The following SLC9C1 variants were observed in gnomAD, a reference collection of about 807,000 sequenced individuals.
SLC9C1 encodes the protein solute carrier family 9 member C1.
In SLC9C1, 97 loss-of-function variants were observed where a neutral mutation model predicts 140.9. That is an observed-to-expected ratio of 0.69 (90% CI 0.58 to 0.82). The LOEUF is 0.82. Among genes scored for constraint, SLC9C1 ranks in the 40% least tolerant of loss-of-function variants. The pLI is 0.00. For synonymous variants in SLC9C1, 440 were observed against 442.6 expected, an observed-to-expected ratio of 0.99 and a Z score of 0.07; for missense variants, 1,340 against 1,389.3, an observed-to-expected ratio of 0.96 and a Z score of 0.56.
rs576048520 is a variant in SLC9C1 at position 112,217,135 on chromosome 3, C to T, written c.1790+307G>A. On this transcript the variant is annotated intron_variant, in intron 15 of 28. Coordinates refer to ENST00000305815, the MANE Select transcript of SLC9C1 (RefSeq NM_183061.3). ...AAACCAAACACCACATGTTCTCACTCATAGGTGGGAACTGAACAATGAGAA... is the reference window on the plus strand; with the variant it reads ...AAACCAAACACCACATGTTCTCACTTATAGGTGGGAACTGAACAATGAGAA... Among the ~76,000 whole-genome samples the T allele has an allele frequency of 3.3e-5, 5 of 152,164 alleles. No individual in the cohort carries two copies. The East Asian group carries it at 9.7e-4, about 29-fold the overall frequency.
At chr3:112,286,424 A>G (rs142966493) in intron 2 of SLC9C1, among the ~76,000 whole-genome samples, 1,992 of 152,290 alleles carry the variant, frequency 0.013, 27 homozygotes, top group Non-Finnish European at 0.022. Flanking sequence ...GTTTTCTTCA[A>G]TTATCTCCTT....
intron 20 of SLC9C1, among the ~76,000 whole-genome samples, chr3:112,187,149 C>T (rs941577340): frequency 5.9e-5 from 9 of 152,186 alleles, no homozygotes; most frequent in African/African-American, 2.2e-4. Flanking sequence ...GACTTACTAG[C>T]TATCTGACCT....
intron 20 of SLC9C1, among the ~76,000 whole-genome samples, chr3:112,196,185 CTT>C (rs575739371): frequency 2.1e-5 from 3 of 145,728 alleles, no homozygotes; most frequent in Non-Finnish European, 1.5e-5. Flanking sequence ...TTGGCTGACA[CTT>C]TTTTTTTTTT....
chr3:112,276,385 A>AAAT, intron 5 of SLC9C1, among the ~76,000 whole-genome samples: 1 of 151,050 alleles, frequency 6.6e-6, no homozygotes, highest in East Asian at 1.9e-4. Flanking sequence ...TATATGAAAA[A>AAAT]ATATATATAT....
At chr3:112,213,343 T>A (rs2078261295) in intron 15 of SLC9C1, among the ~76,000 whole-genome samples, 1 of 152,048 alleles carries the variant, frequency 6.6e-6, no homozygotes, top group African/African-American at 2.4e-5. Context: ...CAGGATCAAA[T>A]CCACACATAA....
At chr3:112,254,380 C>T (rs4423739) in intron 10 of SLC9C1, among the ~76,000 whole-genome samples, 89,969 of 151,974 alleles carry the variant, frequency 0.59, 27,154 homozygotes, top group East Asian at 0.79. Flanking sequence ...ATCAGGCTAA[C>T]AGTGGATCTC....
Position 112,180,639 on chromosome 3 carries a change from A to ATATTAC in SLC9C1, c.2672_2673insGTAATA (p.Phe891delinsLeuTer). 6.2e-7 allele frequency: 1 copy of ATATTAC among 1,613,212 alleles called. No homozygotes were observed. The highest frequency in any genetic ancestry group is 8.5e-7 in the Non-Finnish European group (1 of 1,179,654). On this transcript the variant is annotated stop_gained and protein_altering_variant, in exon 22 of 29. Transcript: ENST00000305815. LOFTEE classifies it high-confidence loss of function. Reference sequence around the variant, plus strand: ...CTTCAAATATATCATTTCCACAATCAAATGTTACAACTTTGGCTTTTTCCT... The same window carrying ATATTAC: ...CTTCAAATATATCATTTCCACAATCATATTACAATGTTACAACTTTGGCTTTTTCCT...
rs13093391 is a variant in SLC9C1, at chr3:112,205,987, C to A, written c.1987-1584G>T. ...ACACCAAAAGCAATGGCAACAAAAGCCAAAATTGACAAATGGGATCTAATT... is the reference window on the plus strand; with the variant it reads ...ACACCAAAAGCAATGGCAACAAAAGACAAAATTGACAAATGGGATCTAATT... On this transcript the variant is annotated intron_variant, in intron 16 of 28. Transcript: ENST00000305815. Among the ~76,000 whole-genome samples the A allele has an allele frequency of 4.6e-3, 484 of 106,002 alleles. 3 individuals carry two copies. The highest frequency in any genetic ancestry group is 0.012 in the Middle Eastern group (3 of 252). 69.5% of individuals were successfully genotyped at this position (106,002 alleles called of 152,430 possible).
At chr3:112,201,703 T>C (rs1406860786) in intron 18 of SLC9C1, among the ~76,000 whole-genome samples, 1 of 152,028 alleles carries the variant, frequency 6.6e-6, no homozygotes, top group Non-Finnish European at 1.5e-5. Flanking sequence ...ATTTAACCTC[T>C]CTTGGCCTCC....
chr3:112,237,307 T>C (rs13094817), intron 12 of SLC9C1, among the ~76,000 whole-genome samples: 89,656 of 151,748 alleles, frequency 0.59, 26,989 homozygotes, highest in East Asian at 0.79. Flanking sequence ...TTTTGTTTTC[T>C]GTTTGCTTGG....
intron 28 of SLC9C1, chr3:112,147,552 C>A: frequency 2.6e-6 from 1 of 386,650 alleles, no homozygotes; most frequent in Non-Finnish European, 5.1e-6. Context: ...CTTAGTTTGG[C>A]AGGATATGAA....
At chr3:112,242,190 C>T (rs1351141798) in intron 11 of SLC9C1, among the ~76,000 whole-genome samples, 1 of 152,092 alleles carries the variant, frequency 6.6e-6, no homozygotes, top group Non-Finnish European at 1.5e-5. Flanking sequence ...GATTAGCAAA[C>T]TATACATCTA....
chr3:112,201,497 T>C (rs1187768462), intron 18 of SLC9C1, among the ~76,000 whole-genome samples: 2 of 152,036 alleles, frequency 1.3e-5, no homozygotes, highest in African/African-American at 2.4e-5. Context: ...ATGACAAAGT[T>C]TTGGGCACAT....
chr3:112,238,390 C>A (rs1209916273), intron 12 of SLC9C1, among the ~76,000 whole-genome samples: 1 of 152,144 alleles, frequency 6.6e-6, no homozygotes, highest in Admixed American at 6.5e-5. Flanking sequence ...AACTTCTCTG[C>A]GATGGGTTCG....
intron 15 of SLC9C1, among the ~76,000 whole-genome samples, chr3:112,216,458 C>G (rs1246051645): frequency 1.8e-4 from 27 of 152,032 alleles, no homozygotes; most frequent in Admixed American, 1.6e-3. Flanking sequence ...ATATACCCAT[C>G]TGACAAAGGG....
At chr3:112,233,046 C>T (rs1261706935) in intron 12 of SLC9C1, among the ~76,000 whole-genome samples, 2 of 66,356 alleles carry the variant, frequency 3.0e-5, no homozygotes, top group Admixed American at 2.0e-4. Flanking sequence ...CACACACACA[C>T]ACACATATAT....
At chr3:112,238,391 G>C (rs976153269) in intron 12 of SLC9C1, among the ~76,000 whole-genome samples, 42 of 152,104 alleles carry the variant, frequency 2.8e-4, no homozygotes, top group Non-Finnish European at 4.9e-4. Context: ...ACTTCTCTGC[G>C]ATGGGTTCGA....
intron 25 of SLC9C1, among the ~76,000 whole-genome samples, chr3:112,168,369 C>T (rs1254740163): frequency 7.2e-6 from 1 of 138,464 alleles, no homozygotes; most frequent in Non-Finnish European, 1.6e-5. Context: ...ACACACACAA[C>T]TTCTTTCCTT....
intron 26 of SLC9C1, among the ~76,000 whole-genome samples, chr3:112,157,836 A>AC (rs1029142366): frequency 6.6e-6 from 1 of 151,634 alleles, no homozygotes; most frequent in Non-Finnish European, 1.5e-5. Context: ...CTGTTAGCCT[A>AC]TATAAATGCT....
Sources: gnomAD v4.1 joint callset for allele counts (sites outside exome capture counted in the v4.1 genomes callset) on GRCh38, gnomAD v4.1.1 for gene constraint, MANE v1.5 for transcripts, NCBI Gene and HGNC (gene_info 2026-07-23, HGNC 2026-07-21) for gene names.